The following ASH1L variants were observed in gnomAD, a reference collection of about 807,000 sequenced individuals.
ASH1L encodes ASH1 like histone lysine methyltransferase, also known as histone-lysine N-methyltransferase ASH1L.
ASH1L carries 23 observed loss-of-function variants against 269.0 expected under a neutral mutation model. The observed-to-expected ratio is 0.09, with a 90% CI of 0.06 to 0.12. The LOEUF is 0.12. ASH1L is among the 10% of genes least tolerant of loss of function. ASH1L has a pLI of 1.00. For missense variants in ASH1L, 2,912 were observed against 3,567.8 expected (o/e 0.82, Z 4.68); for synonymous variants, 1,187 against 1,253.5 (o/e 0.95, Z 1.12).
At chr1:155,451,931 G>A (rs894766540) in intron 4 of ASH1L, among the ~76,000 whole-genome samples, 3 of 151,938 alleles carry the variant, frequency 2.0e-5, no homozygotes, top group Non-Finnish European at 4.4e-5. Flanking sequence ...ATGTTGGCCA[G>A]ACTAGTCTTG....
intron 12 of ASH1L, 182 bp downstream of exon 12, chr1:155,370,321 CT>C: frequency 1.5e-6 from 1 of 666,372 alleles, no homozygotes; most frequent in Non-Finnish European, 2.5e-6. Flanking sequence ...ACAAAAATAT[CT>C]GTCTGGGAGT....
At chr1:155,374,527 T>C (rs1445313849) in intron 10 of ASH1L, among the ~76,000 whole-genome samples, 2 of 152,168 alleles carry the variant, frequency 1.3e-5, no homozygotes, top group Non-Finnish European at 1.5e-5. Context: ...GATAATCAGC[T>C]TCAGCTGTAA....
At chr1:155,346,181 T>C (rs535695926) in intron 21 of ASH1L, 1 of 1,481,880 alleles carries the variant, frequency 6.7e-7, no homozygotes, top group Admixed American at 2.0e-5. Context: ...GATTTCTAAG[T>C]ATTTTATTTT....
chr1:155,424,661 C>A (rs1032776117), intron 5 of ASH1L, among the ~76,000 whole-genome samples: 5 of 152,156 alleles, frequency 3.3e-5, no homozygotes, highest in Non-Finnish European at 7.3e-5. Flanking sequence ...CCTGCCTTGG[C>A]CTCCCAAAGT....
At chr1:155,357,282 A>T (rs1433844238) in intron 15 of ASH1L, 34 bp downstream of exon 15, 1 of 1,537,498 alleles carries the variant, frequency 6.5e-7, no homozygotes, top group Middle Eastern at 1.7e-4. Context: ...CATGTAACTT[A>T]CAAAGAACAT....
intron 4 of ASH1L, among the ~76,000 whole-genome samples, chr1:155,450,019 G>A (rs755976880): frequency 6.6e-6 from 1 of 152,058 alleles, no homozygotes; most frequent in African/African-American, 2.4e-5. Flanking sequence ...CTCCATTTTT[G>A]AAAGATATTT....
In ASH1L at chr1:155,562,294, G is replaced by C. The variant is rs1370373398; in HGVS notation, c.-241C>G. 6 of 1,599,404 alleles carry C rather than the reference G, an allele frequency of 3.8e-6. No individual in the cohort carries two copies. The South Asian group carries it at 5.5e-5, about 15-fold the overall frequency. Reference sequence around the variant, plus strand: ...TCAGGAGGCGGCCAGCGGGTAAGCTGACTGGCGGAAATGCGAGAGAGGAGA... The same window carrying C: ...TCAGGAGGCGGCCAGCGGGTAAGCTCACTGGCGGAAATGCGAGAGAGGAGA... On this transcript the variant is annotated 5_prime_UTR_variant, in exon 1 of 28. Coordinates refer to ENST00000392403, the MANE Select transcript of ASH1L (RefSeq NM_018489.3).
At chr1:155,522,094 C>T (rs1017726210) in intron 1 of ASH1L, among the ~76,000 whole-genome samples, 4 of 152,174 alleles carry the variant, frequency 2.6e-5, no homozygotes, top group Non-Finnish European at 4.4e-5. Flanking sequence ...CAACATATCA[C>T]GTTCACCCCA....
intron 17 of ASH1L, 29 bp downstream of exon 17, chr1:155,352,677 A>G: frequency 6.4e-7 from 1 of 1,553,696 alleles, no homozygotes. Flanking sequence ...AAAGAAAAAA[A>G]GAACGAATTT....
intron 1 of ASH1L, among the ~76,000 whole-genome samples, chr1:155,522,715 C>T (rs1486843353): frequency 2.8e-5 from 4 of 144,114 alleles, no homozygotes; most frequent in African/African-American, 1.0e-4. Context: ...GAGATGGAGT[C>T]TCGCTCTGTC....
intron 15 of ASH1L, among the ~76,000 whole-genome samples, chr1:155,356,596 C>T (rs1326577100): frequency 6.7e-6 from 1 of 150,166 alleles, no homozygotes; most frequent in East Asian, 2.0e-4. Flanking sequence ...GATTGCACCA[C>T]TGCACTACTG....
chr1:155,475,675 G>A (rs538169725), intron 3 of ASH1L, among the ~76,000 whole-genome samples: 17 of 152,212 alleles, frequency 1.1e-4, no homozygotes, highest in Non-Finnish European at 2.2e-4. Context: ...TATTGTATAT[G>A]CCAGTGACTA....
chr1:155,505,107 C>T (rs1042200053), intron 2 of ASH1L, among the ~76,000 whole-genome samples: 1 of 151,970 alleles, frequency 6.6e-6, no homozygotes, highest in Non-Finnish European at 1.5e-5. Flanking sequence ...TTTTCCACTG[C>T]GCCCGGCCTC....
chr1:155,554,963 T>C (rs1671482422), intron 1 of ASH1L, among the ~76,000 whole-genome samples: 1 of 151,370 alleles, frequency 6.6e-6, no homozygotes, highest in Non-Finnish European at 1.5e-5. Context: ...GCCAACATGG[T>C]GAAACCCCAT....
Position 155,481,725 on chromosome 1 carries a change from A to G in ASH1L, c.1145T>C (p.Leu382Pro). 1.2e-6 allele frequency: 2 copies of G among 1,614,198 alleles called. No individual in the cohort carries two copies. Among genetic ancestry groups the G allele is most frequent in the Non-Finnish European group, 1.7e-6 (2 of 1,180,012 alleles). The change falls in exon 3 of 28, where the codon CTA becomes CCA. Residue 382 changes from leucine (L) to proline (P), a missense_variant. By Grantham distance (98) the Leu-to-Pro change is moderately conservative. Transcript: ENST00000392403. ...CTTCTTTGCACAGTCCTTGGCCACT[A>G]GGCCAACAGTAGAACCCAATTTCTT... ...LGKKLGSTVGLVAKDCAKKIV... is the reference protein window; with the variant it reads ...LGKKLGSTVGPVAKDCAKKIV...
At chr1:155,518,770 G>A (rs1436253719) in intron 2 of ASH1L, among the ~76,000 whole-genome samples, 1 of 147,350 alleles carries the variant, frequency 6.8e-6, no homozygotes, top group Non-Finnish European at 1.5e-5. Context: ...AGGGGGAGAG[G>A]CAGAGACAGG....
intron 1 of ASH1L, among the ~76,000 whole-genome samples, chr1:155,523,629 GC>G (rs1411409368): frequency 2.0e-5 from 3 of 152,286 alleles, no homozygotes; most frequent in Non-Finnish European, 4.4e-5. Context: ...TCAGCACCTT[GC>G]GGGGGCCAAG....
chr1:155,379,353 T>C (rs1002009029), intron 8 of ASH1L, among the ~76,000 whole-genome samples: 2 of 152,182 alleles, frequency 1.3e-5, no homozygotes, highest in African/African-American at 4.8e-5. Flanking sequence ...CAGAGGGGAA[T>C]GTCAATTTTG....
chr1:155,347,729 T>C lies in ASH1L; in HGVS notation c.7730A>G (p.Asp2577Gly), dbSNP rs753663191. The C allele has an allele frequency of 2.5e-6, 4 of 1,614,226 alleles. No individual in the cohort carries two copies. The highest frequency in any genetic ancestry group is 1.7e-6 in the Non-Finnish European group (2 of 1,180,042). The change falls in exon 20 of 28, where the codon GAC becomes GGC. Residue 2577 changes from aspartate (D) to glycine (G), a missense_variant. Asp to Gly is a moderately conservative substitution (Grantham distance 94). Around this residue, in one of 13 missense-constraint regions of ASH1L, gnomAD observed 309 missense variants for 435.1 expected, o/e 0.71. Transcript: ENST00000392403. ...ACAGATACAGCGAATAACATCGTCG[T>C]CCTTCTCATGCCCATTCTCCTTTTC... ...VSEKENGHEKDDDVIRCICGL... is the reference protein window; with the variant it reads ...VSEKENGHEKGDDVIRCICGL...
Sources: gnomAD v4.1 joint callset for allele counts (sites outside exome capture counted in the v4.1 genomes callset) on GRCh38, gnomAD v4.1.1 for gene constraint, gnomAD v4.1.1 regional missense constraint, MANE v1.5 for transcripts, NCBI Gene and HGNC (gene_info 2026-07-23, HGNC 2026-07-21) for gene names.